Variants in SDK1 observed in about 807,000 individuals in gnomAD.
SDK1 encodes the protein protein sidekick-1.
SDK1 carries 157 observed loss-of-function variants against 245.5 expected under a neutral mutation model. The ratio of observed to expected loss-of-function variants is 0.64; its 90% CI spans 0.56 to 0.73. The LOEUF (loss-of-function observed/expected upper bound fraction) is 0.73, where lower values mean the gene tolerates loss of function less well. Among genes scored for constraint, SDK1 ranks in the 30% least tolerant of loss-of-function variants. The pLI is 0.00. For missense variants in SDK1, 3,583 were observed against 3,002.3 expected (o/e 1.19, Z -4.52); for synonymous variants, 1,647 against 1,278.5 (o/e 1.29, Z -6.15).
chr7:3,583,785 C>T (rs771899558), intron 1 of SDK1, among the ~76,000 whole-genome samples: 9 of 152,062 alleles, frequency 5.9e-5, no homozygotes, highest in Non-Finnish European at 1.0e-4. Flanking sequence ...TGAATGCCAC[C>T]GAGAGGGCGG....
intron 4 of SDK1, among the ~76,000 whole-genome samples, chr7:3,746,929 T>C (rs1208457406): frequency 1.3e-5 from 2 of 152,192 alleles, no homozygotes; most frequent in African/African-American, 4.8e-5. Context: ...TCAGAAGGTT[T>C]TTGATTGACT....
chr7:4,050,463 T>G (rs1789366361), intron 18 of SDK1, among the ~76,000 whole-genome samples: 1 of 152,262 alleles, frequency 6.6e-6, no homozygotes, highest in Admixed American at 6.5e-5. Context: ...AGTGTTCGTT[T>G]GATGACTTCG....
chr7:4,161,865 G>A lies in SDK1; in HGVS notation c.4800+9G>A, dbSNP rs751871139. On this transcript the variant is annotated intron_variant, in intron 32 of 44. Coordinates refer to ENST00000404826, the MANE Select transcript of SDK1 (RefSeq NM_152744.4). ...TCCTGATACAGTGGCAGGTAAGAGC[G>A]CGGGGAATCACGCGCGTTTTGTCAA... The A allele has an allele frequency of 8.1e-6, 13 of 1,612,700 alleles. 1 individual carries two copies. The highest frequency in any genetic ancestry group is 1.6e-4 in the Middle Eastern group (1 of 6,080).
intron 4 of SDK1, among the ~76,000 whole-genome samples, chr7:3,657,551 C>T (rs1036483735): frequency 1.3e-5 from 2 of 152,118 alleles, no homozygotes; most frequent in African/African-American, 4.8e-5. Flanking sequence ...TGTGCTCTCT[C>T]GTCACTTTCT....
chr7:3,922,204 C>T (rs1253463434), intron 5 of SDK1, among the ~76,000 whole-genome samples: 5 of 152,024 alleles, frequency 3.3e-5, no homozygotes, highest in Admixed American at 6.5e-5. Flanking sequence ...GTCTGATTGG[C>T]AGATTCCCAC....
chr7:3,996,423 T>G (rs1784704908), intron 14 of SDK1, among the ~76,000 whole-genome samples: 1 of 152,226 alleles, frequency 6.6e-6, no homozygotes, highest in South Asian at 2.1e-4. Flanking sequence ...TCTCATTGCA[T>G]TTTTAATCAT....
intron 5 of SDK1, among the ~76,000 whole-genome samples, chr7:3,901,228 C>G (rs1162570530): frequency 6.6e-6 from 1 of 151,778 alleles, no homozygotes; most frequent in Non-Finnish European, 1.5e-5. Flanking sequence ...TGCTCTGTCA[C>G]CAAGCTGGAG....
chr7:3,578,852 AAC>A (rs1399091553), intron 1 of SDK1, among the ~76,000 whole-genome samples: 1 of 151,874 alleles, frequency 6.6e-6, no homozygotes, highest in African/African-American at 2.4e-5. Flanking sequence ...ATATTGTTCA[AAC>A]ACACATGTTT....
At chr7:4,084,679 ATGTTATGTTATG>A (rs1275120199) in intron 22 of SDK1, among the ~76,000 whole-genome samples, 13 of 78,400 alleles carry the variant, frequency 1.7e-4, no homozygotes, top group African/African-American at 5.8e-4. Context: ...ATGTTACGTT[ATGTTATGTTATG>A]TTATGTTATG....
chr7:3,439,449 T>C (rs770755157), intron 1 of SDK1, among the ~76,000 whole-genome samples: 1 of 152,116 alleles, frequency 6.6e-6, no homozygotes, highest in South Asian at 2.1e-4. Flanking sequence ...TTAGATTGTT[T>C]CGGGTTTGGT....
intron 5 of SDK1, among the ~76,000 whole-genome samples, chr7:3,828,627 A>AT (rs1252616904): frequency 3.6e-5 from 5 of 140,584 alleles, no homozygotes; most frequent in Non-Finnish European, 6.3e-5. Context: ...GGTTAAAAAC[A>AT]TTTTTTTAAG....
chr7:3,983,723 A>G (rs1052091875), intron 13 of SDK1, among the ~76,000 whole-genome samples: 1 of 152,054 alleles, frequency 6.6e-6, no homozygotes, highest in Admixed American at 6.6e-5. Flanking sequence ...ATTGAACACA[A>G]GAGATATTAT....
chr7:4,069,081 C>CA (rs561620742), intron 20 of SDK1, among the ~76,000 whole-genome samples: 8 of 149,724 alleles, frequency 5.3e-5, no homozygotes, highest in East Asian at 2.0e-4. Context: ...AATCTTAGTT[C>CA]AAAAAAAAAA....
At chr7:3,858,021 A>G (rs529372718) in intron 5 of SDK1, among the ~76,000 whole-genome samples, 2 of 152,344 alleles carry the variant, frequency 1.3e-5, no homozygotes, top group Non-Finnish European at 2.9e-5. Flanking sequence ...CCCCAAATCT[A>G]TAAATTCGGT....
At position 4,233,437 on chromosome 7, in the gene SDK1, G is replaced by A; in HGVS notation, c.5992+18G>A. ...TGTGTCAGGTAGGCCCTCCCAGGGAGGTCTGTCTTCTTCTGGAGGACTAGA... is the reference window on the plus strand; with the variant it reads ...TGTGTCAGGTAGGCCCTCCCAGGGAAGTCTGTCTTCTTCTGGAGGACTAGA... On this transcript the variant is annotated intron_variant, in intron 41 of 44. Transcript: ENST00000404826. 6.2e-7 allele frequency: 1 copy of A among 1,607,574 alleles called. No individual in the cohort carries two copies. The highest frequency in any genetic ancestry group is 8.5e-7 in the Non-Finnish European group (1 of 1,178,456).
rs377532398 is a variant in SDK1, at chr7:3,505,280, T to A, written c.299-113800T>A. Among the ~76,000 whole-genome samples the A allele has an allele frequency of 2.0e-4, 31 of 152,300 alleles. No homozygotes were observed. In the East Asian group the frequency reaches 4.6e-3, roughly 23 times the overall value. On this transcript the variant is annotated intron_variant, in intron 1 of 44. Transcript: ENST00000404826. ...TCAACTGACTGAGACTGGGTTTCAC[T>A]CTGTCACCCAGTTTAGAGTGCAGTT...
At chr7:3,592,447 G>C (rs759631427) in intron 1 of SDK1, among the ~76,000 whole-genome samples, 2 of 152,170 alleles carry the variant, frequency 1.3e-5, no homozygotes, top group African/African-American at 2.4e-5. Context: ...TAATAGTCCA[G>C]ATAATTATCA....
chr7:4,037,720 A>G (rs926470613), intron 17 of SDK1, among the ~76,000 whole-genome samples: 17 of 152,332 alleles, frequency 1.1e-4, no homozygotes, highest in African/African-American at 7.2e-5. Flanking sequence ...CTTGGATTTT[A>G]TTAGACGTGC....
intron 5 of SDK1, among the ~76,000 whole-genome samples, chr7:3,862,058 C>T (rs750487791): frequency 6.6e-6 from 1 of 152,200 alleles, no homozygotes; most frequent in Non-Finnish European, 1.5e-5. Flanking sequence ...TTTGAAAAAG[C>T]TCCTTGCCAA....
Sources: allele counts gnomAD v4.1 joint callset (sites outside exome capture counted in the v4.1 genomes callset), GRCh38; gene constraint gnomAD v4.1.1; transcripts MANE v1.5; gene names NCBI Gene and HGNC (gene_info 2026-07-23, HGNC 2026-07-21).